PGR: variants seen among roughly 807,000 people sequenced by gnomAD.
PGR encodes the protein progesterone receptor, also known as nuclear receptor subfamily 3 group C member 3.
PGR carries 25 observed loss-of-function variants against 76.1 expected under a neutral mutation model. The ratio of observed to expected loss-of-function variants is 0.33; its 90% CI spans 0.24 to 0.46. The LOEUF is 0.46. PGR is among the 20% of genes least tolerant of loss of function. PGR has a pLI of 1.00. For missense variants in PGR, 1,172 were observed against 1,225.3 expected (o/e 0.96, Z 0.65); for synonymous variants, 579 against 535.0 (o/e 1.08, Z -1.14).
At chr11:101,116,492 C>T (rs568885015) in intron 2 of PGR, among the ~76,000 whole-genome samples, 36 of 152,274 alleles carry the variant, frequency 2.4e-4, no homozygotes, top group African/African-American at 6.7e-4. Flanking sequence ...GTAATCCCAA[C>T]ACTTTGGGAG....
chr11:101,086,965 G>A (rs1287301445), intron 3 of PGR, among the ~76,000 whole-genome samples: 1 of 152,166 alleles, frequency 6.6e-6, no homozygotes, highest in Admixed American at 6.5e-5. Flanking sequence ...AACATTCCAT[G>A]TTCATGGATT....
At chr11:101,099,179 C>T (rs1458957053) in intron 2 of PGR, among the ~76,000 whole-genome samples, 3 of 152,200 alleles carry the variant, frequency 2.0e-5, no homozygotes, top group Non-Finnish European at 4.4e-5. Flanking sequence ...TGATCACCTA[C>T]AGCATAATGT....
intron 2 of PGR, among the ~76,000 whole-genome samples, chr11:101,113,307 G>C (rs1462495007): frequency 1.3e-5 from 2 of 151,562 alleles, no homozygotes; most frequent in East Asian, 1.9e-4. Context: ...TGTCACCCAG[G>C]CTGGAGTGCA....
chr11:101,089,168 GA>G (rs1861594468), intron 3 of PGR, among the ~76,000 whole-genome samples: 3 of 152,118 alleles, frequency 2.0e-5, no homozygotes, highest in Admixed American at 2.0e-4. Context: ...TGTACCCACT[GA>G]AGCTAAAATA....
chr11:101,066,175 C>A (rs2135416946), intron 3 of PGR, among the ~76,000 whole-genome samples: 1 of 152,288 alleles, frequency 6.6e-6, no homozygotes, highest in African/African-American at 2.4e-5. Context: ...CTTGAACCTT[C>A]TCCAGTCAGG....
At chr11:101,070,227 A>C (rs1591387738) in intron 3 of PGR, among the ~76,000 whole-genome samples, 1 of 152,214 alleles carries the variant, frequency 6.6e-6, no homozygotes, top group Non-Finnish European at 1.5e-5. Flanking sequence ...AAGAGTGGGG[A>C]AACTCCCTCC....
At chr11:101,098,783 C>T (rs1861913667) in intron 2 of PGR, among the ~76,000 whole-genome samples, 1 of 152,082 alleles carries the variant, frequency 6.6e-6, no homozygotes, top group Non-Finnish European at 1.5e-5. Flanking sequence ...CAGGGCTGAA[C>T]TATATGCATA....
At chr11:101,124,079 T>C (rs1285929098) in intron 2 of PGR, among the ~76,000 whole-genome samples, 1 of 152,218 alleles carries the variant, frequency 6.6e-6, no homozygotes, top group African/African-American at 2.4e-5. Context: ...AACTTACTAA[T>C]GTAGTTCATA....
rs72563152 is a variant in PGR at position 101,045,294 on chromosome 11, A to G, written c.2489-3192T>C. On this transcript the variant is annotated intron_variant, in intron 6 of 7. Coordinates refer to ENST00000325455, the MANE Select transcript of PGR (RefSeq NM_000926.4). ...AACTCTAGTATGTACATCTATATGT[A>G]TATCTAGAACCTCTTTTTATTAAAT... Among the ~76,000 whole-genome samples, 597 of 152,294 alleles carry G rather than the reference A, an allele frequency of 3.9e-3. 6 individuals carry two copies. Among genetic ancestry groups the G allele is most frequent in the African/African-American group, 0.013 (559 of 41,564 alleles).
At chr11:101,123,134 A>G (rs1289710036) in intron 2 of PGR, among the ~76,000 whole-genome samples, 1 of 152,198 alleles carries the variant, frequency 6.6e-6, no homozygotes, top group Non-Finnish European at 1.5e-5. Flanking sequence ...ACAGCTTAAC[A>G]TCTACAGGTC....
At position 101,051,431 on chromosome 11, in the gene PGR, G is replaced by C; in HGVS notation, c.2350C>G (p.Leu784Val). Residue 784 changes from leucine (L) to valine (V), a missense_variant, in exon 5 of 8, where the codon CTA becomes GTA. Leu to Val is a conservative substitution (Grantham distance 32). Around this residue, in one of 4 missense-constraint regions of PGR, gnomAD observed 166 missense variants for 296.0 expected, o/e 0.56. Transcript: ENST00000325455. ...ACAAAAGTTACTACTTACTCATTTAGTATTAGATCAGGTGCAAAATACAGC... is the reference window on the plus strand; with the variant it reads ...ACAAAAGTTACTACTTACTCATTTACTATTAGATCAGGTGCAAAATACAGC... Reference protein sequence around the residue: ...QMLYFAPDLILNEQRMKESSF... With the variant: ...QMLYFAPDLIVNEQRMKESSF... The C allele has an allele frequency of 1.2e-6, 2 of 1,604,566 alleles. No homozygotes were observed.
At chr11:101,108,080 C>G (rs540879443) in intron 2 of PGR, among the ~76,000 whole-genome samples, 37 of 151,078 alleles carry the variant, frequency 2.4e-4, no homozygotes, top group African/African-American at 7.1e-4. Context: ...ACAGTGAAAC[C>G]CTGTCTCTAC....
chr11:101,088,628 G>A (rs180874828), intron 3 of PGR, among the ~76,000 whole-genome samples: 22 of 152,132 alleles, frequency 1.4e-4, no homozygotes, highest in African/African-American at 4.3e-4. Context: ...CACCGCTCCC[G>A]GCCCTCAAAG....
At chr11:101,073,600 G>C (rs1357012730) in intron 3 of PGR, among the ~76,000 whole-genome samples, 2 of 151,642 alleles carry the variant, frequency 1.3e-5, no homozygotes, top group South Asian at 4.2e-4. Context: ...GACTAATAAA[G>C]AAGGGAGAGA....
intron 3 of PGR, among the ~76,000 whole-genome samples, chr11:101,077,400 T>C (rs1252052439): frequency 6.6e-6 from 1 of 152,144 alleles, no homozygotes; most frequent in African/African-American, 2.4e-5. Flanking sequence ...TGTATATACT[T>C]CAAAGAAAAC....
chr11:101,041,693 G>A (rs903620593), intron 7 of PGR: 2 of 437,428 alleles, frequency 4.6e-6, no homozygotes, highest in African/African-American at 4.0e-5. Context: ...TTCAGGAAAT[G>A]TACCATAATT....
chr11:101,069,408 G>A (rs1860836436), intron 3 of PGR, among the ~76,000 whole-genome samples: 1 of 152,188 alleles, frequency 6.6e-6, no homozygotes, highest in Non-Finnish European at 1.5e-5. Flanking sequence ...TTACACTGTT[G>A]GTGGGAGTGT....
intron 2 of PGR, among the ~76,000 whole-genome samples, chr11:101,105,495 CTT>C (rs377349747): frequency 0.016 from 2,197 of 136,598 alleles, 62 homozygotes; most frequent in African/African-American, 0.051. Flanking sequence ...TAGCATATTC[CTT>C]TTTTTTTTTT....
At chr11:101,061,376 A>AT (rs1860492069) in intron 4 of PGR, among the ~76,000 whole-genome samples, 1 of 152,106 alleles carries the variant, frequency 6.6e-6, no homozygotes, top group Non-Finnish European at 1.5e-5. Flanking sequence ...CTTAATATGT[A>AT]TTTTTTGAAA....
Sources: allele counts gnomAD v4.1 joint callset (sites outside exome capture counted in the v4.1 genomes callset), GRCh38; gene constraint gnomAD v4.1.1; regional missense constraint gnomAD v4.1.1; transcripts MANE v1.5; gene names NCBI Gene and HGNC (gene_info 2026-07-23, HGNC 2026-07-21).